Variants in CCPG1 observed in about 807,000 individuals in gnomAD.
CCPG1 encodes the protein cell cycle progression 1.
Under a neutral mutation model 81.3 loss-of-function variants are expected in CCPG1, and 46 were observed. The ratio of observed to expected loss-of-function variants is 0.57; its 90% CI spans 0.45 to 0.72. The LOEUF is 0.72. Ranked by LOEUF, CCPG1 falls within the 30% of genes least tolerant of loss-of-function variation. The pLI, the probability that CCPG1 is intolerant of heterozygous loss-of-function variation, is 0.00. For synonymous variants in CCPG1, 330 were observed against 305.2 expected, an observed-to-expected ratio of 1.08 and a Z score of -0.85; for missense variants, 902 against 937.6, an observed-to-expected ratio of 0.96 and a Z score of 0.50.
At chr15:55,365,141 C>T (rs1398636914) in intron 7 of CCPG1, 47 bp downstream of exon 7, 1 of 1,157,922 alleles carries the variant, frequency 8.6e-7, no homozygotes, top group Non-Finnish European at 1.2e-6. Flanking sequence ...AACTAATAAG[C>T]AAAATAATTA....
Position 55,360,855 on chromosome 15 carries a change from T to A in CCPG1, c.918A>T (p.Glu306Asp). The A allele has an allele frequency of 6.2e-7, 1 of 1,609,482 alleles. No individual in the cohort carries two copies. The highest frequency in any genetic ancestry group is 8.5e-7 in the Non-Finnish European group (1 of 1,178,814). Residue 306 changes from glutamate (E) to aspartate (D), a missense_variant, in exon 8 of 9, where the codon GAA becomes GAT. Coordinates refer to ENST00000442196, the MANE Select transcript of CCPG1 (RefSeq NM_001204450.2). ...CCAAGGATACTCTTAAATACTGATT[T>A]TCTGTAGCAAGGTTCGTTTTCTGAG... is the stretch of plus-strand genomic sequence containing the variant. ...FETQKTNLATENQYLRVSLEK... is the reference protein window; with the variant it reads ...FETQKTNLATDNQYLRVSLEK...
chr15:55,380,416 C>T lies in CCPG1; in HGVS notation c.176-2040G>A, dbSNP rs2056660655. 2.0e-5 allele frequency among the ~76,000 whole-genome samples: 3 copies of T among 151,530 alleles called. No individual in the cohort carries two copies. The South Asian group carries it at 6.2e-4, about 32-fold the overall frequency. ...GTTCACGCCATCCTCCTGCCTCAGGCTCCCAAGTAGCTGGGACTACAGGCG... is the reference window on the plus strand; with the variant it reads ...GTTCACGCCATCCTCCTGCCTCAGGTTCCCAAGTAGCTGGGACTACAGGCG... On this transcript the variant is annotated intron_variant, in intron 3 of 8. Transcript: ENST00000442196.
At chr15:55,367,511 GATTTTGCTATCACTCCT>G in intron 6 of CCPG1, among the ~76,000 whole-genome samples, 1 of 152,046 alleles carries the variant, frequency 6.6e-6, no homozygotes, top group South Asian at 2.1e-4. Flanking sequence ...AGCGCTGTCA[GATTTTGCTATCACTCCT>G]ATTAAGAATT....
chr15:55,379,161 C>CGTGTGTGTGTGTGTGTGTTT (rs2056627443), intron 3 of CCPG1, among the ~76,000 whole-genome samples: 1 of 134,682 alleles, frequency 7.4e-6, no homozygotes, highest in East Asian at 2.0e-4. Flanking sequence ...TGTATATGTA[C>CGTGTGTGTGTGTGTGTGTTT]GTGTGTGTGT....
At chr15:55,406,305 C>T (rs921942818) in intron 1 of CCPG1, among the ~76,000 whole-genome samples, 1 of 150,948 alleles carries the variant, frequency 6.6e-6, no homozygotes, top group African/African-American at 2.4e-5. Context: ...TTAATACTTG[C>T]ATCCTTTTTT....
At chr15:55,359,188 T>C (rs2056140766) in intron 8 of CCPG1, 9 of 988,948 alleles carry the variant, frequency 9.1e-6, no homozygotes, top group Non-Finnish European at 1.1e-5. Flanking sequence ...AATAAATACA[T>C]AAAAGATTAA....
At chr15:55,388,505 T>C (rs2056849008) in intron 2 of CCPG1, among the ~76,000 whole-genome samples, 1 of 152,240 alleles carries the variant, frequency 6.6e-6, no homozygotes, top group South Asian at 2.1e-4. Context: ...ATCTATTTTC[T>C]AGCTGCATAA....
intron 3 of CCPG1, 117 bp from the exon 4 acceptor site, chr15:55,378,493 A>C (rs1483446225): frequency 3.6e-6 from 2 of 552,616 alleles, no homozygotes; most frequent in African/African-American, 1.9e-5. Context: ...GTTAGGATAG[A>C]TTTAATGAAA....
chr15:55,401,326 G>A (rs961015749), intron 1 of CCPG1, among the ~76,000 whole-genome samples: 1 of 152,126 alleles, frequency 6.6e-6, no homozygotes, highest in African/African-American at 2.4e-5. Context: ...CTATGGTACT[G>A]ATGGCTTTCT....
rs754135281 is a variant in CCPG1, at chr15:55,385,712, C to A, written c.63G>T (p.Gly21=). ...SCGWTVISHE[G]SDIEMLNSVT... ...CAGAATTCAACATTTCTATATCTGA[C>A]CCCTAAGGAAAAGTGATAATCTTTC... The change falls in exon 3 of 9, where the codon GGG becomes GGT. Residue 21 remains glycine, a splice_region_variant and synonymous_variant. Coordinates refer to ENST00000442196, the MANE Select transcript of CCPG1 (RefSeq NM_001204450.2). The A allele has an allele frequency of 3.2e-6, 5 of 1,552,630 alleles. No individual in the cohort carries two copies. Among genetic ancestry groups the A allele is most frequent in the East Asian group, 2.2e-5 (1 of 44,584 alleles).
chr15:55,402,330 C>T (rs2057143613), intron 1 of CCPG1, among the ~76,000 whole-genome samples: 1 of 152,096 alleles, frequency 6.6e-6, no homozygotes, highest in Admixed American at 6.5e-5. Flanking sequence ...TTGGCTCAAG[C>T]GATCCTCCCA....
chr15:55,395,450 GC>G (rs1407667520), intron 1 of CCPG1, among the ~76,000 whole-genome samples: 1 of 152,006 alleles, frequency 6.6e-6, no homozygotes, highest in Non-Finnish European at 1.5e-5. Context: ...TCAAGATAAT[GC>G]CCCAAAGCCT....
In CCPG1 at chr15:55,356,077, G is replaced by A. The variant is rs776478330; in HGVS notation, c.*143C>T. 1 of 648,920 alleles carries A rather than the reference G, an allele frequency of 1.5e-6. No individual in the cohort carries two copies. The highest frequency in any genetic ancestry group is 2.5e-6 in the Non-Finnish European group (1 of 403,314). The allele number at this position is 648,920 out of a possible 1,614,324, so 40.2% of individuals were successfully genotyped here. ...TAGACTTTTAACTAATGCTTCTGAGGAATAATATAAAGTTATCAAACTGAT... is the reference window on the plus strand; with the variant it reads ...TAGACTTTTAACTAATGCTTCTGAGAAATAATATAAAGTTATCAAACTGAT... On this transcript the variant is annotated 3_prime_UTR_variant, in exon 9 of 9. Coordinates refer to ENST00000442196, the MANE Select transcript of CCPG1 (RefSeq NM_001204450.2).
At chr15:55,370,375 G>C (rs2056421575) in intron 6 of CCPG1, among the ~76,000 whole-genome samples, 1 of 152,182 alleles carries the variant, frequency 6.6e-6, no homozygotes, top group Non-Finnish European at 1.5e-5. Flanking sequence ...CTAAAATTTG[G>C]GAAGTTGACA....
At chr15:55,392,451 T>C (rs903410119) in intron 1 of CCPG1, among the ~76,000 whole-genome samples, 1 of 151,674 alleles carries the variant, frequency 6.6e-6, no homozygotes, top group Non-Finnish European at 1.5e-5. Flanking sequence ...TCTCCTGACA[T>C]CATGATCCAC....
chr15:55,378,478 A>C, intron 3 of CCPG1, 102 bp from the exon 4 acceptor site: 1 of 630,700 alleles, frequency 1.6e-6, no homozygotes, highest in South Asian at 2.1e-5. Flanking sequence ...ATCTCTTCCT[A>C]ATATGTTAGG....
Position 55,355,814 on chromosome 15 carries a change from T to G in CCPG1, c.*406A>C. ...GTGTAAGATTATAAAATGTTAATGA[T>G]GAAATTCCAGAACAATGTACTTTTC... On this transcript the variant is annotated 3_prime_UTR_variant, in exon 9 of 9. Coordinates refer to ENST00000442196, the MANE Select transcript of CCPG1 (RefSeq NM_001204450.2). 1 of 223,838 alleles carries G rather than the reference T, an allele frequency of 4.5e-6. No homozygotes were observed. Among genetic ancestry groups the G allele is most frequent in the South Asian group, 1.0e-4 (1 of 9,696 alleles). 13.9% of individuals were successfully genotyped at this position (223,838 alleles called of 1,614,324 possible). A position where few individuals can be genotyped will look rare whatever the true frequency, so the allele number is the denominator to read the frequency against.
intron 3 of CCPG1, among the ~76,000 whole-genome samples, chr15:55,378,754 C>T (rs1434971291): frequency 3.9e-5 from 6 of 151,940 alleles, no homozygotes; most frequent in African/African-American, 1.5e-4. Context: ...CAGACATACG[C>T]CACGGCTAAT....
At chr15:55,377,229 T>G (rs1421662911) in intron 4 of CCPG1, 79 bp from the exon 5 acceptor site, 21 of 946,990 alleles carry the variant, frequency 2.2e-5, no homozygotes, top group Non-Finnish European at 3.3e-5. Flanking sequence ...ACAACAGTAG[T>G]AAGTATTATA....
Sources: gnomAD v4.1 joint callset for allele counts (sites outside exome capture counted in the v4.1 genomes callset) on GRCh38, gnomAD v4.1.1 for gene constraint, MANE v1.5 for transcripts, NCBI Gene and HGNC (gene_info 2026-07-23, HGNC 2026-07-21) for gene names.